Variants in IL19 observed in about 807,000 individuals in gnomAD.
The protein encoded by IL19 is interleukin 19.
In IL19, 15 loss-of-function variants were observed where a neutral mutation model predicts 19.5. The ratio of observed to expected loss-of-function variants is 0.77; its 90% CI spans 0.52 to 1.19. IL19 has a LOEUF of 1.19. Ranked by LOEUF, IL19 falls within the 50% of genes most tolerant of loss-of-function variation. The pLI, the probability that IL19 is intolerant of heterozygous loss-of-function variation, is 0.00. For synonymous variants in IL19, 78 were observed against 78.3 expected (o/e 1.00, Z 0.02); for missense variants, 199 against 213.1 (o/e 0.93, Z 0.41).
chr1:206,802,329 T>C (rs1572555542), intron 2 of IL19, among the ~76,000 whole-genome samples: 1 of 152,194 alleles, frequency 6.6e-6, no homozygotes, highest in African/African-American at 2.4e-5. Context: ...AGAGGAAAGG[T>C]GTACATGACA....
intron 1 of IL19, among the ~76,000 whole-genome samples, chr1:206,791,301 GT>G (rs11297961): frequency 0.61 from 80,292 of 131,732 alleles, 25,625 homozygotes; most frequent in Non-Finnish European, 0.72. Context: ...AGGTCCTTAG[GT>G]TTTTTTTTTT....
chr1:206,771,273 C>G, intron 1 of IL19, 195 bp downstream of exon 1: 1 of 1,340,072 alleles, frequency 7.5e-7, no homozygotes. Flanking sequence ...GGAAACAAAC[C>G]CAATTCCCTG....
At chr1:206,808,804 G>C (rs529600086) in intron 2 of IL19, among the ~76,000 whole-genome samples, 4 of 152,304 alleles carry the variant, frequency 2.6e-5, no homozygotes, top group African/African-American at 9.6e-5. Context: ...AGCCCATTTG[G>C]TCTGTGGACA....
chr1:206,833,772 T>C lies in IL19; in HGVS notation c.-2-2889T>C, dbSNP rs79769796. 3.4e-4 allele frequency: 338 copies of C among 985,450 alleles called. No homozygotes were observed. The African/African-American group carries it at 5.6e-3, about 16-fold the overall frequency. The allele number at this position is 985,450 out of a possible 1,614,324, so 61.0% of individuals were successfully genotyped here. On this transcript the variant is annotated intron_variant, in intron 2 of 6. Transcript: ENST00000659997. ...TGAGAGAACCCTCCAGGGGACAAGA[T>C]GAAGGGGAAATAGATGATGTGCAAA...
At chr1:206,788,812 A>T (rs1004675643) in intron 1 of IL19, among the ~76,000 whole-genome samples, 1 of 152,244 alleles carries the variant, frequency 6.6e-6, no homozygotes, top group South Asian at 2.1e-4. Flanking sequence ...TTGATTCCAT[A>T]GCGGTTTCTC....
intron 2 of IL19, among the ~76,000 whole-genome samples, chr1:206,831,969 A>G (rs1676621390): frequency 6.6e-6 from 1 of 152,250 alleles, no homozygotes; most frequent in Non-Finnish European, 1.5e-5. Flanking sequence ...CAGCATGGAC[A>G]GTGTTGCAAA....
intron 5 of IL19, 123 bp downstream of exon 5, chr1:206,840,125 G>A (rs539974142): frequency 3.1e-5 from 34 of 1,096,126 alleles, no homozygotes; most frequent in South Asian, 1.6e-4. Context: ...CTCTGCGCAC[G>A]TCCACAGGGA....
In IL19 at chr1:206,771,154, C is replaced by T. The variant is rs752079099; in HGVS notation, c.-149+76C>T. The T allele has an allele frequency of 2.3e-4, 319 of 1,410,788 alleles. No individual in the cohort carries two copies. The Middle Eastern group carries it at 3.7e-3, about 17-fold the overall frequency. 87.4% of individuals were successfully genotyped at this position (1,410,788 alleles called of 1,614,324 possible). A position where few individuals can be genotyped will look rare whatever the true frequency, so the allele number is the denominator to read the frequency against. On this transcript the variant is annotated intron_variant, in intron 1 of 6. Coordinates refer to ENST00000659997, the MANE Select transcript of IL19 (RefSeq NM_153758.5). ...GCTTAAGAGGACAGCTTGGTTCTAG[C>T]GATCCTCCTTCACCAGAAGCCTCCC...
At chr1:206,811,302 G>A (rs1344211758) in intron 2 of IL19, among the ~76,000 whole-genome samples, 1 of 152,032 alleles carries the variant, frequency 6.6e-6, no homozygotes, top group Non-Finnish European at 1.5e-5. Flanking sequence ...AAATTAGCCA[G>A]GTGTGGTGGC....
chr1:206,784,581 C>T (rs1675222623), intron 1 of IL19, among the ~76,000 whole-genome samples: 1 of 152,212 alleles, frequency 6.6e-6, no homozygotes, highest in African/African-American at 2.4e-5. Flanking sequence ...TGAGTCAGGC[C>T]TGCTGAGAGC....
At chr1:206,782,015 G>GTA (rs1325437554) in intron 1 of IL19, among the ~76,000 whole-genome samples, 1 of 79,298 alleles carries the variant, frequency 1.3e-5, no homozygotes, top group Non-Finnish European at 2.6e-5. Flanking sequence ...ACATATATAT[G>GTA]TATATAGTTA....
intron 1 of IL19, among the ~76,000 whole-genome samples, chr1:206,794,699 A>AG (rs1252383111): frequency 6.6e-6 from 1 of 152,110 alleles, no homozygotes; most frequent in African/African-American, 2.4e-5. Context: ...CGAGGTGGGT[A>AG]GGGGTGGGTG....
At chr1:206,841,213 C>A in intron 6 of IL19, 135 bp downstream of exon 6, 1 of 691,636 alleles carries the variant, frequency 1.4e-6, no homozygotes, top group Non-Finnish European at 2.6e-6. Context: ...CCTCAATTCT[C>A]TGTGTCTGTA....
At chr1:206,784,341 G>C (rs1467169748) in intron 1 of IL19, among the ~76,000 whole-genome samples, 10 of 152,048 alleles carry the variant, frequency 6.6e-5, no homozygotes, top group African/African-American at 2.4e-4. Flanking sequence ...CGGCAGGAGC[G>C]AGCGAACATG....
intron 2 of IL19, among the ~76,000 whole-genome samples, chr1:206,825,435 G>T (rs1676403594): frequency 6.6e-6 from 1 of 152,208 alleles, no homozygotes; most frequent in Non-Finnish European, 1.5e-5. Context: ...TCTATAAGAT[G>T]TCAAGATCAA....
At chr1:206,787,103 C>T (rs759178577) in intron 1 of IL19, among the ~76,000 whole-genome samples, 16 of 152,158 alleles carry the variant, frequency 1.1e-4, no homozygotes, top group Non-Finnish European at 1.9e-4. Flanking sequence ...GACCAAAACA[C>T]GGGGGCTCTC....
Position 206,774,318 on chromosome 1 carries a change from C to T in IL19, c.-149+3240C>T, listed in dbSNP as rs185031444. 3.3e-5 allele frequency among the ~76,000 whole-genome samples: 5 copies of T among 152,350 alleles called. No homozygotes were observed. The East Asian group carries it at 9.6e-4, about 29-fold the overall frequency. ...CTGCTAGAAACTAGTATGGAGCTAA[C>T]TCAGAACTTACTGGTCCTGCCAGAC... On this transcript the variant is annotated intron_variant, in intron 1 of 6. Coordinates refer to ENST00000659997, the MANE Select transcript of IL19 (RefSeq NM_153758.5).
intron 4 of IL19, among the ~76,000 whole-genome samples, chr1:206,837,227 C>A (rs567149284): frequency 6.6e-6 from 1 of 152,112 alleles, no homozygotes; most frequent in African/African-American, 2.4e-5. Context: ...TAAAGAAGTG[C>A]TGCTTCCTAG....
intron 2 of IL19, among the ~76,000 whole-genome samples, chr1:206,828,534 T>C (rs1028182): frequency 0.71 from 107,891 of 152,050 alleles, 39,071 homozygotes; most frequent in Non-Finnish European, 0.79. Context: ...ATTGGGATCC[T>C]CTTTTCTGGC....
Sources: gnomAD v4.1 joint callset for allele counts (sites outside exome capture counted in the v4.1 genomes callset) on GRCh38, gnomAD v4.1.1 for gene constraint, MANE v1.5 for transcripts, NCBI Gene and HGNC (gene_info 2026-07-23, HGNC 2026-07-21) for gene names.